Variants in DYNC1I1 observed in about 807,000 individuals in gnomAD.
DYNC1I1 encodes the protein cytoplasmic dynein 1 intermediate chain 1.
A neutral mutation model predicts 86.6 loss-of-function variants in DYNC1I1; 43 were observed. The observed-to-expected ratio is 0.50, with a 90% CI of 0.39 to 0.64. The LOEUF is 0.64. Among genes scored for constraint, DYNC1I1 ranks in the 30% least tolerant of loss-of-function variants. The pLI, the probability that DYNC1I1 is intolerant of heterozygous loss-of-function variation, is 0.00. For missense variants in DYNC1I1, 604 were observed against 788.8 expected (o/e 0.77, Z 2.81); for synonymous variants, 262 against 283.7 (o/e 0.92, Z 0.77).
intron 10 of DYNC1I1, among the ~76,000 whole-genome samples, chr7:96,025,066 G>A (rs1251921436): frequency 1.3e-5 from 2 of 152,064 alleles, no homozygotes; most frequent in African/African-American, 2.4e-5. Context: ...AGAATAACAA[G>A]GCAAGGAAAC....
chr7:95,968,477 C>A (rs775245753), intron 6 of DYNC1I1, among the ~76,000 whole-genome samples: 1 of 152,062 alleles, frequency 6.6e-6, no homozygotes, highest in East Asian at 1.9e-4. Flanking sequence ...TTATTTTACT[C>A]TTTTTTAAAC....
At chr7:96,095,075 A>G (rs1368424377) in intron 16 of DYNC1I1, among the ~76,000 whole-genome samples, 1 of 152,158 alleles carries the variant, frequency 6.6e-6, no homozygotes, top group African/African-American at 2.4e-5. Context: ...TTACAGCACT[A>G]TTACTCCCAC....
chr7:96,022,862 C>T (rs531301034), intron 10 of DYNC1I1, among the ~76,000 whole-genome samples: 28 of 151,406 alleles, frequency 1.8e-4, no homozygotes, highest in African/African-American at 5.6e-4. Flanking sequence ...AGAGCAAGAC[C>T]TTGTCTCAAT....
intron 11 of DYNC1I1, among the ~76,000 whole-genome samples, chr7:96,030,629 G>GA (rs1247586433): frequency 6.6e-6 from 1 of 151,994 alleles, no homozygotes; most frequent in Non-Finnish European, 1.5e-5. Flanking sequence ...GGTTATCAAA[G>GA]AAGCCCCACT....
intron 8 of DYNC1I1, 35 bp downstream of exon 8, chr7:95,985,012 G>GTT: frequency 2.5e-6 from 4 of 1,597,368 alleles, no homozygotes; most frequent in Non-Finnish European, 3.4e-6. Flanking sequence ...AAAAAATAGC[G>GTT]TAAGTTATCT....
At chr7:95,810,529 A>T in intron 3 of DYNC1I1, 23 bp downstream of exon 3, 1 of 1,594,684 alleles carries the variant, frequency 6.3e-7, no homozygotes, top group Non-Finnish European at 8.6e-7. Context: ...GCTTCCTGTT[A>T]CTATTCCTCA....
intron 10 of DYNC1I1, among the ~76,000 whole-genome samples, chr7:96,002,624 A>T (rs992782105): frequency 5.3e-5 from 8 of 152,132 alleles, no homozygotes; most frequent in African/African-American, 1.9e-4. Flanking sequence ...CAAAATATGT[A>T]GCAATCTTTG....
chr7:95,813,057 T>C, intron 3 of DYNC1I1, 190 bp from the exon 4 acceptor site: 1 of 1,269,504 alleles, frequency 7.9e-7, no homozygotes, highest in Non-Finnish European at 1.1e-6. Flanking sequence ...ATTTCCAAAA[T>C]ACAAAAAATT....
At chr7:95,882,008 A>G (rs774137471) in intron 6 of DYNC1I1, among the ~76,000 whole-genome samples, 11 of 152,170 alleles carry the variant, frequency 7.2e-5, no homozygotes, top group Non-Finnish European at 1.6e-4. Context: ...TGAGGACACC[A>G]TATTCATATG....
intron 5 of DYNC1I1, among the ~76,000 whole-genome samples, chr7:95,832,026 G>T (rs1788919937): frequency 6.6e-6 from 1 of 150,410 alleles, no homozygotes; most frequent in South Asian, 2.1e-4. Context: ...GTGCAGGTTA[G>T]TTACATATGT....
chr7:95,790,261 A>G (rs552138720), intron 1 of DYNC1I1, among the ~76,000 whole-genome samples: 2 of 152,240 alleles, frequency 1.3e-5, no homozygotes, highest in East Asian at 1.9e-4. Flanking sequence ...GCAAACTAAG[A>G]TGGTTGCTCA....
intron 6 of DYNC1I1, among the ~76,000 whole-genome samples, chr7:95,891,060 C>T (rs1484412913): frequency 6.6e-6 from 1 of 152,050 alleles, no homozygotes; most frequent in African/African-American, 2.4e-5. Flanking sequence ...TTAGAGTGGG[C>T]CTTCATCCAA....
chr7:95,926,508 G>T (rs1272761655), intron 6 of DYNC1I1, among the ~76,000 whole-genome samples: 1 of 152,074 alleles, frequency 6.6e-6, no homozygotes, highest in Non-Finnish European at 1.5e-5. Flanking sequence ...ATTAATGTTG[G>T]TTATTTCTGA....
chr7:95,903,234 C>T (rs1791086554), intron 6 of DYNC1I1, among the ~76,000 whole-genome samples: 2 of 152,198 alleles, frequency 1.3e-5, no homozygotes, highest in African/African-American at 4.8e-5. Context: ...GAAATAAGAA[C>T]ATATTTACCT....
intron 14 of DYNC1I1, among the ~76,000 whole-genome samples, chr7:96,044,036 G>A (rs1789136288): frequency 6.6e-6 from 1 of 152,100 alleles, no homozygotes; most frequent in Non-Finnish European, 1.5e-5. Flanking sequence ...TTTAAATGGT[G>A]TTACCTTTTA....
rs1158531027 is a variant in DYNC1I1 at position 95,774,594 on chromosome 7, AG to A, written c.-10+1822del. On this transcript the variant is annotated intron_variant, in intron 1 of 16. Coordinates refer to ENST00000447467, the MANE Select transcript of DYNC1I1 (RefSeq NM_001135556.2). ...TCAGTTTCTGACTAACTTCGAAGAG[AG>A]TAAGAAGTCACTTGGCATTTCAGTC... is the stretch of plus-strand genomic sequence containing the variant. 3.3e-5 allele frequency among the ~76,000 whole-genome samples: 5 copies of A among 152,320 alleles called. No homozygotes were observed. The East Asian group carries it at 9.7e-4, about 29-fold the overall frequency.
rs147241650 is a variant in DYNC1I1 at position 96,074,889 on chromosome 7, G to A, written c.1510-1168G>A. ...TGATCTTATTACTCTGGCCTGTACA[G>A]GCATTCAGTGGAACCCATGAAGAGA... is the stretch of plus-strand genomic sequence containing the variant. On this transcript the variant is annotated intron_variant, in intron 14 of 16. Coordinates refer to ENST00000447467, the MANE Select transcript of DYNC1I1 (RefSeq NM_001135556.2). Among the ~76,000 whole-genome samples, 530 of 152,296 alleles carry A rather than the reference G, an allele frequency of 3.5e-3. 2 individuals carry two copies. Among genetic ancestry groups the A allele is most frequent in the African/African-American group, 0.012 (510 of 41,552 alleles).
At chr7:95,781,601 A>G (rs958282235) in intron 1 of DYNC1I1, among the ~76,000 whole-genome samples, 3 of 152,218 alleles carry the variant, frequency 2.0e-5, no homozygotes, top group Non-Finnish European at 2.9e-5. Flanking sequence ...ACGATGGGTC[A>G]GGGTACTGGA....
intron 14 of DYNC1I1, among the ~76,000 whole-genome samples, chr7:96,048,791 A>G (rs886698740): frequency 6.6e-6 from 1 of 152,114 alleles, no homozygotes; most frequent in Non-Finnish European, 1.5e-5. Flanking sequence ...AATATGCTAC[A>G]TGTTCTGGCC....
Sources: allele counts gnomAD v4.1 joint callset (sites outside exome capture counted in the v4.1 genomes callset), GRCh38; gene constraint gnomAD v4.1.1; transcripts MANE v1.5; gene names NCBI Gene and HGNC (gene_info 2026-07-23, HGNC 2026-07-21).